Variants in COL5A1 observed in about 807,000 individuals in gnomAD.
COL5A1 encodes the protein collagen alpha-1(V) chain.
In COL5A1, 16 loss-of-function variants were observed where a neutral mutation model predicts 263.7. The observed-to-expected ratio is 0.06, with a 90% confidence interval of 0.04 to 0.09. The LOEUF (loss-of-function observed/expected upper bound fraction) is 0.09, where lower values mean the gene tolerates loss of function less well. Ranked by LOEUF, COL5A1 falls within the 10% of genes least tolerant of loss-of-function variation. The probability of loss-of-function intolerance (pLI) is 1.00; values close to 1 mark genes in which losing one functional copy is unlikely to be tolerated. For synonymous variants in COL5A1, 1,012 were observed against 1,004.5 expected, an observed-to-expected ratio of 1.01 and a Z score of -0.14; for missense variants, 2,036 against 2,540.5, an observed-to-expected ratio of 0.80 and a Z score of 4.27.
At chr9:134,709,324 A>C in intron 4 of COL5A1, 10 of 264,496 alleles carry the variant, frequency 3.8e-5, no homozygotes, top group Non-Finnish European at 5.9e-5. Context: ...TGGGGGGGCT[A>C]CTCCTGGCTA....
intron 64 of COL5A1, among the ~76,000 whole-genome samples, chr9:134,833,733 T>G (rs1373057409): frequency 6.6e-6 from 1 of 152,164 alleles, no homozygotes; most frequent in African/African-American, 2.4e-5. Context: ...CGAGGCCTCG[T>G]GCCCCGTGGC....
chr9:134,678,907 G>A lies in COL5A1; in HGVS notation c.110-12005G>A, dbSNP rs1832754107. 6.6e-6 allele frequency among the ~76,000 whole-genome samples: 1 copy of A among 152,204 alleles called. No homozygotes were observed. On this transcript the variant is annotated intron_variant, in intron 1 of 65. Transcript: ENST00000371817. The surrounding 1 kb of genome is among the most constrained non-coding windows in gnomAD (Gnocchi z 5.5). ...CTGGTTGGTGTTACCCCCTGCTGGG[G>A]GGCAGGCGTTAGATCTGTGCAGGGT...
intron 1 of COL5A1, among the ~76,000 whole-genome samples, chr9:134,665,668 G>A (rs566449182): frequency 8.5e-5 from 13 of 152,342 alleles, no homozygotes; most frequent in African/African-American, 2.9e-4. Context: ...ACAGTTGTGT[G>A]TGCACAACAC....
chr9:134,708,951 CT>C (rs1467668298), intron 4 of COL5A1: 4 of 456,554 alleles, frequency 8.8e-6, no homozygotes, highest in Non-Finnish European at 1.8e-5. Flanking sequence ...CTGCCTCCGT[CT>C]TTACACAGCC....
At position 134,794,933 on chromosome 9, in the gene COL5A1, A is replaced by T; in HGVS notation, c.2701-149A>T. 1 of 807,108 alleles carries T rather than the reference A, an allele frequency of 1.2e-6. No individual in the cohort carries two copies. The allele number at this position is 807,108 out of a possible 1,614,324, so 50.0% of individuals were successfully genotyped here. A position where few individuals can be genotyped will look rare whatever the true frequency, so the allele number is the denominator to read the frequency against. ...TTCTCGCCCTGATAAATCTCCTATT[A>T]AAACACGGAAAAGGTGGGTGGCGGG... On this transcript the variant is annotated intron_variant, in intron 32 of 65. Coordinates refer to ENST00000371817, the MANE Select transcript of COL5A1 (RefSeq NM_000093.5). This position sits in a 1 kb window ranked among gnomAD's most constrained non-coding sequence, Gnocchi z 4.3.
chr9:134,827,108 CG>C (rs1839314812), intron 63 of COL5A1, among the ~76,000 whole-genome samples: 1 of 152,202 alleles, frequency 6.6e-6, no homozygotes, highest in Admixed American at 6.5e-5. Flanking sequence ...TTTCTGGGGC[CG>C]CAGCGGTTTG....
intron 63 of COL5A1, 50 bp downstream of exon 63, chr9:134,825,954 A>T: frequency 8.1e-7 from 1 of 1,239,842 alleles, no homozygotes; most frequent in South Asian, 1.2e-5. Flanking sequence ...CGTCACAGAC[A>T]GGGCCATGCC....
chr9:134,718,079 T>C (rs1834334510), intron 4 of COL5A1, among the ~76,000 whole-genome samples: 1 of 152,218 alleles, frequency 6.6e-6, no homozygotes, highest in African/African-American at 2.4e-5. Context: ...TCCAGGCTTA[T>C]GGGGCTCTCC....
intron 1 of COL5A1, among the ~76,000 whole-genome samples, chr9:134,654,117 T>TG: frequency 8.8e-6 from 1 of 113,392 alleles, no homozygotes; most frequent in Admixed American, 9.5e-5. Flanking sequence ...TGTGTAGGGC[T>TG]TAGGGTGTGT....
At chr9:134,816,063 C>T (rs971996543) in intron 52 of COL5A1, 75 bp downstream of exon 52, 3 of 1,470,168 alleles carry the variant, frequency 2.0e-6, no homozygotes, top group African/African-American at 2.8e-5. Context: ...TTGCTTGACT[C>T]ATTTCTGGGA....
At chr9:134,825,756 A>T in intron 62 of COL5A1, 36 bp from the exon 63 acceptor site, 2 of 1,407,572 alleles carry the variant, frequency 1.4e-6, no homozygotes, top group Non-Finnish European at 2.0e-6. Flanking sequence ...AATCCTTCTG[A>T]CTCTGCCTGC....
chr9:134,795,459 G>A (rs1837871547), intron 34 of COL5A1, 144 bp downstream of exon 34: 2 of 708,198 alleles, frequency 2.8e-6, no homozygotes. Context: ...TGTTTAAGAA[G>A]CTTGTCCCCT....
Position 134,758,205 on chromosome 9 carries a change from G to A in COL5A1, c.1882-38G>A. ...CCAAGGCGGGGTGTCCACGTGTGCAGGGTGGCGTCTGAGGCAGCCTTTCTG... is the reference window on the plus strand; with the variant it reads ...CCAAGGCGGGGTGTCCACGTGTGCAAGGTGGCGTCTGAGGCAGCCTTTCTG... On this transcript the variant is annotated intron_variant, in intron 17 of 65. Transcript: ENST00000371817. This position sits in a 1 kb window ranked among gnomAD's most constrained non-coding sequence, Gnocchi z 4.1. The A allele has an allele frequency of 1.2e-6, 2 of 1,612,690 alleles. No homozygotes were observed. The highest frequency in any genetic ancestry group is 1.7e-6 in the Non-Finnish European group (2 of 1,178,954).
chr9:134,803,128 C>G (rs1293426910), intron 39 of COL5A1, 133 bp downstream of exon 39: 8 of 780,900 alleles, frequency 1.0e-5, no homozygotes, highest in Non-Finnish European at 1.8e-5. Flanking sequence ...GGTTCACTCC[C>G]CAGACCGCAC....
rs375076580 is a variant in COL5A1 at position 134,824,649 on chromosome 9, C to T, written c.4748C>T (p.Thr1583Met). ...CCCCTGCCAATCCAGGCATCCAGGA[C>T]GCGGCGGAACATCGACGCCAGCCAG... ...IQPLPIQASR[T>M]RRNIDASQLL... Residue 1583 changes from threonine to methionine, a missense_variant, in exon 62 of 66, where the codon ACG becomes ATG. Transcript: ENST00000371817. The T allele has an allele frequency of 3.4e-5, 55 of 1,614,062 alleles. No homozygotes were observed. In the Admixed American group the frequency reaches 4.0e-4, roughly 12 times the overall value.
intron 1 of COL5A1, among the ~76,000 whole-genome samples, chr9:134,644,207 AG>A: frequency 1.7e-5 from 1 of 60,154 alleles, no homozygotes; most frequent in African/African-American, 6.7e-5. Context: ...CGCTGGGGGG[AG>A]GGGGCGGCTG....
At chr9:134,695,137 T>C (rs1833413635) in intron 2 of COL5A1, among the ~76,000 whole-genome samples, 1 of 152,060 alleles carries the variant, frequency 6.6e-6, no homozygotes, top group Admixed American at 6.5e-5. Flanking sequence ...GTCCTCTCTA[T>C]TTTGTCCTCT....
At chr9:134,824,015 A>G (rs530362815) in intron 61 of COL5A1, among the ~76,000 whole-genome samples, 2 of 148,778 alleles carry the variant, frequency 1.3e-5, no homozygotes, top group Non-Finnish European at 2.9e-5. Context: ...ATATATGTGC[A>G]TGTGTGTGTG....
intron 52 of COL5A1, 43 bp from the exon 53 acceptor site, chr9:134,816,983 C>A: frequency 6.4e-7 from 1 of 1,573,004 alleles, no homozygotes; most frequent in Non-Finnish European, 8.8e-7. Flanking sequence ...TTGAGTCTAA[C>A]GGGCCCCAAT....
Sources: allele counts gnomAD v4.1 joint callset (sites outside exome capture counted in the v4.1 genomes callset), GRCh38; gene constraint gnomAD v4.1.1; non-coding constraint Gnocchi (gnomAD v3.1); transcripts MANE v1.5; gene names NCBI Gene and HGNC (gene_info 2026-07-23, HGNC 2026-07-21).